The following GALNT18 variants were observed in gnomAD, a reference collection of about 807,000 sequenced individuals.
GALNT18 encodes polypeptide N-acetylgalactosaminyltransferase 18, also known as GalNAc-transferase 18.
Under a neutral mutation model 69.5 loss-of-function variants are expected in GALNT18, and 44 were observed. The ratio of observed to expected loss-of-function variants is 0.63; its 90% confidence interval spans 0.50 to 0.81. GALNT18 has a LOEUF of 0.81. Among genes scored for constraint, GALNT18 ranks in the 40% least tolerant of loss-of-function variants. GALNT18 has a pLI of 0.00. For missense variants in GALNT18, 715 were observed against 810.0 expected (o/e 0.88, Z 1.42); for synonymous variants, 364 against 318.2 (o/e 1.14, Z -1.53).
intron 3 of GALNT18, among the ~76,000 whole-genome samples, chr11:11,390,955 CA>C (rs1854177528): frequency 6.6e-6 from 1 of 152,244 alleles, no homozygotes; most frequent in Admixed American, 6.5e-5. Context: ...TGGAAATCCA[CA>C]AGACAATGCC....
rs919024359 is a variant in GALNT18, at chr11:11,421,463, G to T, written c.595+11158C>A. ...GCAGAGCCCCAGTTTGGTGTACAGGGAACAGAGTCTAGCCCCTCAAGGAAG... is the reference window on the plus strand; with the variant it reads ...GCAGAGCCCCAGTTTGGTGTACAGGTAACAGAGTCTAGCCCCTCAAGGAAG... On this transcript the variant is annotated intron_variant, in intron 3 of 10. Transcript: ENST00000227756. This position sits in a 1 kb window ranked among gnomAD's most constrained non-coding sequence, Gnocchi z 5.6. Among the ~76,000 whole-genome samples the T allele has an allele frequency of 6.6e-6, 1 of 152,180 alleles. No homozygotes were observed. The highest frequency in any genetic ancestry group is 1.5e-5 in the Non-Finnish European group (1 of 68,020).
At chr11:11,351,920 G>C (rs1433669267) in intron 6 of GALNT18, 2 of 1,528,906 alleles carry the variant, frequency 1.3e-6, no homozygotes, top group Non-Finnish European at 1.8e-6. Context: ...CCTCTGCTCA[G>C]GCATCAGGAG....
At chr11:11,537,469 C>T (rs1363079277) in intron 1 of GALNT18, among the ~76,000 whole-genome samples, 1 of 152,134 alleles carries the variant, frequency 6.6e-6, no homozygotes, top group Non-Finnish European at 1.5e-5. Context: ...TGTAGGTCTG[C>T]ATGGTGTCTA....
At chr11:11,521,205 A>G (rs1409902379) in intron 1 of GALNT18, among the ~76,000 whole-genome samples, 1 of 151,772 alleles carries the variant, frequency 6.6e-6, no homozygotes, top group African/African-American at 2.4e-5. Context: ...TGACACCTCC[A>G]CCTCACTAGC....
Position 11,546,680 on chromosome 11 carries a change from C to T in GALNT18, c.235+74679G>A, listed in dbSNP as rs538092836. Among the ~76,000 whole-genome samples, 112 of 152,316 alleles carry T rather than the reference C, an allele frequency of 7.4e-4. No homozygotes were observed. The highest frequency in any genetic ancestry group is 1.1e-3 in the Non-Finnish European group (78 of 68,028). ...ACTCTGACCTCTAACCATACAAATA[C>T]ACCTATTCCTCAAACAGGCCTTGGT... On this transcript the variant is annotated intron_variant, in intron 1 of 10. Coordinates refer to ENST00000227756, the MANE Select transcript of GALNT18 (RefSeq NM_198516.3). The surrounding 1 kb of genome is among the most constrained non-coding windows in gnomAD (Gnocchi z 5.8).
chr11:11,341,801 T>C lies in GALNT18; in HGVS notation c.1093-797A>G, dbSNP rs574267869. On this transcript the variant is annotated intron_variant, in intron 6 of 10. Coordinates refer to ENST00000227756, the MANE Select transcript of GALNT18 (RefSeq NM_198516.3). The surrounding 1 kb of genome is among the most constrained non-coding windows in gnomAD (Gnocchi z 6.3). ...GAATGCCCCACTGCCCCCAACTCCTTCTTCAGCTGAAAAAATTCACCTCTC... is the reference window on the plus strand; with the variant it reads ...GAATGCCCCACTGCCCCCAACTCCTCCTTCAGCTGAAAAAATTCACCTCTC... Among the ~76,000 whole-genome samples the C allele has an allele frequency of 1.3e-5, 2 of 152,028 alleles. No homozygotes were observed. Among genetic ancestry groups the C allele is most frequent in the African/African-American group, 4.8e-5 (2 of 41,438 alleles).
intron 10 of GALNT18, among the ~76,000 whole-genome samples, chr11:11,271,543 G>C (rs1337547707): frequency 1.3e-5 from 2 of 152,170 alleles, no homozygotes; most frequent in Non-Finnish European, 2.9e-5. Context: ...CCACCCCTAG[G>C]TAGTTCTGTC....
intron 10 of GALNT18, among the ~76,000 whole-genome samples, chr11:11,277,003 T>G (rs1848964251): frequency 6.6e-6 from 1 of 152,220 alleles, no homozygotes; most frequent in Non-Finnish European, 1.5e-5. Flanking sequence ...CAGGTTTTGG[T>G]ATCAGGATGC....
intron 6 of GALNT18, among the ~76,000 whole-genome samples, chr11:11,368,503 T>G (rs760429492): frequency 3.3e-5 from 5 of 152,196 alleles, no homozygotes; most frequent in Non-Finnish European, 7.4e-5. Flanking sequence ...CAATCTCAAT[T>G]CTACATGTCT....
At chr11:11,581,316 T>A (rs185526239) in intron 1 of GALNT18, among the ~76,000 whole-genome samples, 1 of 152,292 alleles carries the variant, frequency 6.6e-6, no homozygotes, top group Admixed American at 6.5e-5. Context: ...GTGGCCAATG[T>A]GACAGATTCA....
intron 1 of GALNT18, among the ~76,000 whole-genome samples, chr11:11,472,532 C>T (rs1468082131): frequency 1.3e-5 from 2 of 152,178 alleles, no homozygotes; most frequent in African/African-American, 2.4e-5. Context: ...AATAAGAAAT[C>T]GGTAACAAAT....
In GALNT18 at chr11:11,377,186, T is replaced by A; in HGVS notation, c.973A>T (p.Ile325Phe). ...ACAGGTAAAGGTTTGCTTTACCTGA[T>A]TGGCGCTGTGGAGTTCTCCAGCTTC... is the stretch of plus-strand genomic sequence containing the variant. ...WWKLENSTAP[I>F]RSPALIGCFI... The change falls in exon 5 of 11, where the codon ATC (isoleucine) becomes TTC (phenylalanine). Residue 325 changes from isoleucine to phenylalanine, a missense_variant. Coordinates refer to ENST00000227756, the MANE Select transcript of GALNT18 (RefSeq NM_198516.3). The surrounding 1 kb of genome is among the most constrained non-coding windows in gnomAD (Gnocchi z 4.6). 1 of 1,612,890 alleles carries A rather than the reference T, an allele frequency of 6.2e-7. No individual in the cohort carries two copies. Among genetic ancestry groups the A allele is most frequent in the Non-Finnish European group, 8.5e-7 (1 of 1,180,004 alleles).
At chr11:11,478,511 A>G (rs1253006899) in intron 1 of GALNT18, among the ~76,000 whole-genome samples, 1 of 152,222 alleles carries the variant, frequency 6.6e-6, no homozygotes, top group African/African-American at 2.4e-5. Context: ...AAACGGCAGC[A>G]CCGAGGCAGG....
At chr11:11,369,442 G>C (rs1250392344) in intron 6 of GALNT18, among the ~76,000 whole-genome samples, 1 of 152,010 alleles carries the variant, frequency 6.6e-6, no homozygotes, top group Middle Eastern at 3.2e-3. Flanking sequence ...GTCTTCCTGT[G>C]ACCAAATTCT....
At chr11:11,534,952 C>T (rs1214479042) in intron 1 of GALNT18, among the ~76,000 whole-genome samples, 1 of 152,230 alleles carries the variant, frequency 6.6e-6, no homozygotes, top group Non-Finnish European at 1.5e-5. Context: ...AGTGGGGACG[C>T]CATGGGGCAG....
intron 1 of GALNT18, among the ~76,000 whole-genome samples, chr11:11,482,283 G>A (rs944124295): frequency 2.6e-5 from 4 of 152,244 alleles, no homozygotes; most frequent in Non-Finnish European, 5.9e-5. Context: ...CCCGTGCAGT[G>A]GGCACGCCGT....
intron 3 of GALNT18, among the ~76,000 whole-genome samples, chr11:11,431,214 T>C (rs1437439732): frequency 1.3e-5 from 2 of 152,192 alleles, no homozygotes; most frequent in Non-Finnish European, 2.9e-5. Context: ...GTTTTCATCC[T>C]TGAATGCTGG....
chr11:11,291,402 A>G (rs1293409763), intron 10 of GALNT18, among the ~76,000 whole-genome samples: 1 of 152,216 alleles, frequency 6.6e-6, no homozygotes, highest in African/African-American at 2.4e-5. Flanking sequence ...CAGTTTCCTC[A>G]TCTATGAGGT....
intron 1 of GALNT18, among the ~76,000 whole-genome samples, chr11:11,552,672 G>C (rs1188616647): frequency 6.6e-6 from 1 of 152,132 alleles, no homozygotes; most frequent in Non-Finnish European, 1.5e-5. Context: ...GCATACTGTG[G>C]ACAAAGCAGG....
Sources: allele counts gnomAD v4.1 joint callset (sites outside exome capture counted in the v4.1 genomes callset), GRCh38; gene constraint gnomAD v4.1.1; non-coding constraint Gnocchi (gnomAD v3.1); transcripts MANE v1.5; gene names NCBI Gene and HGNC (gene_info 2026-07-23, HGNC 2026-07-21).